The following PTGFRN variants were observed in gnomAD, a reference collection of about 807,000 sequenced individuals.
PTGFRN encodes prostaglandin F2 receptor inhibitor.
PTGFRN carries 35 observed loss-of-function variants against 83.2 expected under a neutral mutation model. That is an observed-to-expected ratio of 0.42 (90% CI 0.32 to 0.56). The LOEUF (loss-of-function observed/expected upper bound fraction) is 0.56. Among genes scored for constraint, PTGFRN ranks in the 20% least tolerant of loss-of-function variants. The pLI, the probability that PTGFRN is intolerant of heterozygous loss-of-function variation, is 0.11. For missense variants in PTGFRN, 1,051 were observed against 1,179.5 expected (o/e 0.89, Z 1.60); for synonymous variants, 519 against 498.6 (o/e 1.04, Z -0.55).
intron 1 of PTGFRN, among the ~76,000 whole-genome samples, chr1:116,916,977 G>A (rs143497846): frequency 1.4e-3 from 210 of 152,246 alleles, no homozygotes; most frequent in African/African-American, 4.8e-3. Context: ...GGAAATGAAA[G>A]GGAGAGTTCT....
Position 116,945,105 on chromosome 1 carries a change from C to G in PTGFRN, c.832+13C>G. 4 of 1,605,746 alleles carry G rather than the reference C, an allele frequency of 2.5e-6. No individual in the cohort carries two copies. The highest frequency in any genetic ancestry group is 3.4e-6 in the Non-Finnish European group (4 of 1,176,114). On this transcript the variant is annotated intron_variant, in intron 3 of 8. Coordinates refer to ENST00000393203, the MANE Select transcript of PTGFRN (RefSeq NM_020440.4). ...ATCCAGCCATCAGGTGAGCTGGAAA[C>G]GATGCGTTATAGGTGATGTTATTTT...
chr1:116,974,857 G>T (rs1651101652), intron 7 of PTGFRN, among the ~76,000 whole-genome samples: 1 of 152,136 alleles, frequency 6.6e-6, no homozygotes, highest in South Asian at 2.1e-4. Context: ...CATCTCACTG[G>T]GGCTTGTTGG....
chr1:116,989,834 C>G lies in PTGFRN; in HGVS notation c.*2867C>G, dbSNP rs911939091. 1 of 152,702 alleles carries G rather than the reference C, an allele frequency of 6.5e-6. No homozygotes were observed. Among genetic ancestry groups the G allele is most frequent in the South Asian group, 2.1e-4 (1 of 4,820 alleles). 9.5% of individuals were successfully genotyped at this position (152,702 alleles called of 1,614,324 possible). A position where few individuals can be genotyped will look rare whatever the true frequency, so the allele number is the denominator to read the frequency against. On this transcript the variant is annotated 3_prime_UTR_variant, in exon 9 of 9. Coordinates refer to ENST00000393203, the MANE Select transcript of PTGFRN (RefSeq NM_020440.4). Reference sequence around the variant, plus strand: ...TATTTATTTGAGTGTCTTTCCCCCCCTCACCCTCACCATCTGAGGGGCTCC... The same window carrying G: ...TATTTATTTGAGTGTCTTTCCCCCCGTCACCCTCACCATCTGAGGGGCTCC...
chr1:116,955,768 C>T (rs1421749753), intron 4 of PTGFRN, among the ~76,000 whole-genome samples: 3 of 152,178 alleles, frequency 2.0e-5, no homozygotes, highest in Non-Finnish European at 4.4e-5. Flanking sequence ...ATGCACAGCA[C>T]GTACAGAGAA....
intron 1 of PTGFRN, among the ~76,000 whole-genome samples, chr1:116,925,303 A>G (rs1268226170): frequency 6.6e-6 from 1 of 151,720 alleles, no homozygotes; most frequent in Admixed American, 6.6e-5. Context: ...TGGCACATAC[A>G]TTTACTCCTA....
rs1047058048 is a variant in PTGFRN at position 116,944,904 on chromosome 1, A to G, written c.644A>G (p.Tyr215Cys). 1.9e-6 allele frequency: 3 copies of G among 1,612,204 alleles called. No homozygotes were observed. The highest frequency in any genetic ancestry group is 2.5e-6 in the Non-Finnish European group (3 of 1,179,904). ...FHPGLGYEQR[Y>C]HSGDVRLDTV... ...CCGGGCCTGGGGTACGAGCAGCGCT[A>G]CCACAGTGGGGACGTGCGCCTCGAC... Residue 215 changes from tyrosine (Y) to cysteine (C), a missense_variant, in exon 3 of 9, where the codon TAC becomes TGC. This residue lies in a region of PTGFRN where 205 missense variants were observed against 174.5 expected (regional missense o/e 1.17). Transcript: ENST00000393203.
chr1:116,966,136 C>T (rs775793877), intron 5 of PTGFRN, among the ~76,000 whole-genome samples: 2 of 152,232 alleles, frequency 1.3e-5, no homozygotes, highest in Non-Finnish European at 2.9e-5. Context: ...TATTTAAGCA[C>T]CTTCCAAGTG....
intron 1 of PTGFRN, among the ~76,000 whole-genome samples, chr1:116,940,314 G>T (rs1376113517): frequency 6.6e-6 from 1 of 152,164 alleles, no homozygotes; most frequent in African/African-American, 2.4e-5. Flanking sequence ...GGCAATTTGT[G>T]GAGGTCCTTG....
At chr1:116,924,766 A>C (rs1320540201) in intron 1 of PTGFRN, among the ~76,000 whole-genome samples, 1 of 152,196 alleles carries the variant, frequency 6.6e-6, no homozygotes, top group Non-Finnish European at 1.5e-5. Context: ...CTTTTTGTTA[A>C]GCCCCTGGAT....
At chr1:116,948,309 G>A (rs1471152382) in intron 3 of PTGFRN, among the ~76,000 whole-genome samples, 1 of 152,168 alleles carries the variant, frequency 6.6e-6, no homozygotes, top group Non-Finnish European at 1.5e-5. Flanking sequence ...GCTGGAACTA[G>A]ATCTGCCTTG....
Position 116,910,118 on chromosome 1 carries a change from C to T in PTGFRN, c.-86C>T. 1 of 1,426,966 alleles carries T rather than the reference C, an allele frequency of 7.0e-7. No homozygotes were observed. 88.4% of individuals were successfully genotyped at this position (1,426,966 alleles called of 1,614,324 possible). ...CGGCCCAGGCGGAGGAGCGCCGACTCTGGAGCAGCCGGAGCTGGAAGAGGA... is the reference window on the plus strand; with the variant it reads ...CGGCCCAGGCGGAGGAGCGCCGACTTTGGAGCAGCCGGAGCTGGAAGAGGA... On this transcript the variant is annotated 5_prime_UTR_variant, in exon 1 of 9. Transcript: ENST00000393203.
At chr1:116,917,317 C>T (rs1649429677) in intron 1 of PTGFRN, among the ~76,000 whole-genome samples, 1 of 152,032 alleles carries the variant, frequency 6.6e-6, no homozygotes, top group Non-Finnish European at 1.5e-5. Flanking sequence ...TAAACAGGAT[C>T]CAGGCGTCTC....
Position 116,952,565 on chromosome 1 carries a change from A to G in PTGFRN, c.1213+2993A>G, listed in dbSNP as rs1282646178. Among the ~76,000 whole-genome samples the G allele has an allele frequency of 6.7e-6, 1 of 149,648 alleles. No individual in the cohort carries two copies. Among genetic ancestry groups the G allele is most frequent in the Non-Finnish European group, 1.5e-5 (1 of 67,552 alleles). On this transcript the variant is annotated intron_variant, in intron 4 of 8. Transcript: ENST00000393203. The surrounding 1 kb of genome is among the most constrained non-coding windows in gnomAD (Gnocchi z 4.0). ...AGGGTAAAAGAAGAATAGATATTGCAAGGTGGTTGGTATGAATTAGTTATT... is the reference window on the plus strand; with the variant it reads ...AGGGTAAAAGAAGAATAGATATTGCGAGGTGGTTGGTATGAATTAGTTATT...
chr1:116,963,329 A>G (rs1439848000), intron 5 of PTGFRN, among the ~76,000 whole-genome samples: 1 of 152,178 alleles, frequency 6.6e-6, no homozygotes, highest in Non-Finnish European at 1.5e-5. Flanking sequence ...CTTCTCTCTC[A>G]GCTGTTGGCC....
intron 7 of PTGFRN, among the ~76,000 whole-genome samples, chr1:116,981,850 C>A (rs550169021): frequency 3.9e-5 from 6 of 152,280 alleles, no homozygotes; most frequent in African/African-American, 1.4e-4. Flanking sequence ...TTTACTGACC[C>A]CTGGACTAGT....
At position 116,958,590 on chromosome 1, in the gene PTGFRN, A is replaced by G. The variant is rs559132820; in HGVS notation, c.1214-2653A>G. On this transcript the variant is annotated intron_variant, in intron 4 of 8. Coordinates refer to ENST00000393203, the MANE Select transcript of PTGFRN (RefSeq NM_020440.4). The surrounding 1 kb of genome is among the most constrained non-coding windows in gnomAD (Gnocchi z 4.9). ...TGTATATGAATATGTGTGTACCTGC[A>G]TACACACACACACCAGGCACCAGTC... Among the ~76,000 whole-genome samples, 15 of 152,312 alleles carry G rather than the reference A, an allele frequency of 9.8e-5. No individual in the cohort carries two copies. The highest frequency in any genetic ancestry group is 3.1e-4 in the African/African-American group (13 of 41,572).
intron 5 of PTGFRN, among the ~76,000 whole-genome samples, chr1:116,966,609 G>A (rs1194337583): frequency 1.3e-5 from 2 of 152,156 alleles, no homozygotes; most frequent in African/African-American, 2.4e-5. Context: ...CACCAATAGC[G>A]GGTTCCCAGA....
rs886721879 is a variant in PTGFRN at position 116,958,591 on chromosome 1, T to TAC, written c.1214-2641_1214-2640dup. On this transcript the variant is annotated intron_variant, in intron 4 of 8. Transcript: ENST00000393203. This position sits in a 1 kb window ranked among gnomAD's most constrained non-coding sequence, Gnocchi z 4.9. ...GTATATGAATATGTGTGTACCTGCA[T>TAC]ACACACACACACCAGGCACCAGTCT... is the stretch of plus-strand genomic sequence containing the variant. 2.6e-5 allele frequency among the ~76,000 whole-genome samples: 4 copies of TAC among 152,040 alleles called. No homozygotes were observed. The highest frequency in any genetic ancestry group is 9.7e-5 in the African/African-American group (4 of 41,400).
intron 5 of PTGFRN, among the ~76,000 whole-genome samples, chr1:116,964,752 C>G (rs1318074220): frequency 1.3e-5 from 2 of 152,220 alleles, no homozygotes; most frequent in South Asian, 2.1e-4. Flanking sequence ...TCTGCCAGCT[C>G]TCTTCTCCCA....
Sources: gnomAD v4.1 joint callset for allele counts (sites outside exome capture counted in the v4.1 genomes callset) on GRCh38, gnomAD v4.1.1 for gene constraint, gnomAD v4.1.1 regional missense constraint, Gnocchi (gnomAD v3.1) non-coding constraint, MANE v1.5 for transcripts, NCBI Gene and HGNC (gene_info 2026-07-23, HGNC 2026-07-21) for gene names.